The following INTS9 variants were observed in gnomAD, a reference collection of about 807,000 sequenced individuals.
The protein encoded by INTS9 is integrator complex subunit 9.
Under a neutral mutation model 79.7 loss-of-function variants are expected in INTS9, and 55 were observed. That is an observed-to-expected ratio of 0.69 (90% CI 0.56 to 0.86). The LOEUF (loss-of-function observed/expected upper bound fraction) is 0.86, where lower values mean the gene tolerates loss of function less well. Among genes scored for constraint, INTS9 ranks in the 40% least tolerant of loss-of-function variants. The pLI is 0.00. For synonymous variants in INTS9, 319 were observed against 325.2 expected (o/e 0.98, Z 0.20); for missense variants, 721 against 831.5 (o/e 0.87, Z 1.64).
At chr8:28,846,091 G>A (rs934850986) in intron 4 of INTS9, among the ~76,000 whole-genome samples, 1 of 152,184 alleles carries the variant, frequency 6.6e-6, no homozygotes, top group Non-Finnish European at 1.5e-5. Flanking sequence ...ATGAACCTGG[G>A]AGCAGCTCCG....
intron 6 of INTS9, 24 bp downstream of exon 6, chr8:28,835,268 G>A: frequency 1.3e-6 from 2 of 1,551,352 alleles, no homozygotes; most frequent in South Asian, 2.3e-5. Flanking sequence ...CAGTCTCTCG[G>A]TAAGAGAGTG....
At position 28,867,866 on chromosome 8, in the gene INTS9, A is replaced by C. The variant is rs375034179; in HGVS notation, c.10-8303T>G. On this transcript the variant is annotated intron_variant, in intron 1 of 16. Coordinates refer to ENST00000521022, the MANE Select transcript of INTS9 (RefSeq NM_018250.4). ...GTACTCTGTAAGAACTTTATATTTT[A>C]ACTCTTATAATCCTCCCAAGAATGC... Among the ~76,000 whole-genome samples, 5 of 152,140 alleles carry C rather than the reference A, an allele frequency of 3.3e-5. No homozygotes were observed. The East Asian group carries it at 5.8e-4, about 18-fold the overall frequency.
intron 1 of INTS9, among the ~76,000 whole-genome samples, chr8:28,864,241 G>T (rs1464762218): frequency 6.6e-6 from 1 of 152,224 alleles, no homozygotes; most frequent in Admixed American, 6.5e-5. Context: ...GACAATTGGA[G>T]TAGTATCTTT....
chr8:28,815,555 T>G (rs758308826), intron 6 of INTS9, among the ~76,000 whole-genome samples: 1 of 152,160 alleles, frequency 6.6e-6, no homozygotes, highest in Non-Finnish European at 1.5e-5. Flanking sequence ...GATTTTGGAT[T>G]TGGGATGCTC....
At chr8:28,791,301 T>TC (rs1445144340) in intron 10 of INTS9, among the ~76,000 whole-genome samples, 2 of 151,240 alleles carry the variant, frequency 1.3e-5, no homozygotes, top group Non-Finnish European at 2.9e-5. Context: ...CTCCAATGAA[T>TC]CCCCCCCATG....
intron 4 of INTS9, among the ~76,000 whole-genome samples, chr8:28,838,300 G>A (rs78958903): frequency 6.6e-6 from 1 of 151,478 alleles, no homozygotes; most frequent in Non-Finnish European, 1.5e-5. Context: ...TATAGAGCCC[G>A]CCCTAAAAAG....
rs775059997 is a variant in INTS9, at chr8:28,780,931, T to C, written c.1162A>G (p.Arg388Gly). The change falls in exon 12 of 17, where the codon AGA (arginine) becomes GGA (glycine). Residue 388 changes from arginine to glycine, a missense_variant. By Grantham distance (125) the Arg-to-Gly change is moderately radical. Around this residue, in one of 3 missense-constraint regions of INTS9, gnomAD observed 149 missense variants for 223.7 expected, o/e 0.67. Transcript: ENST00000521022. ...SIHGDFSNDF[R>G]QPCVVFTGHP... ...CCGGTGAACACCACACAGGGCTGTC[T>C]AAAGTCGTTGCTGAAGTCTCCGTGG... The C allele has an allele frequency of 1.9e-6, 3 of 1,614,160 alleles. No homozygotes were observed. Among genetic ancestry groups the C allele is most frequent in the Non-Finnish European group, 2.5e-6 (3 of 1,180,010 alleles).
At chr8:28,875,360 T>G (rs1236510222) in intron 1 of INTS9, among the ~76,000 whole-genome samples, 1 of 152,238 alleles carries the variant, frequency 6.6e-6, no homozygotes, top group Non-Finnish European at 1.5e-5. Flanking sequence ...TATTTTTACT[T>G]TAACTGTTCC....
intron 4 of INTS9, among the ~76,000 whole-genome samples, chr8:28,844,203 G>A (rs902324276): frequency 2.0e-5 from 3 of 152,170 alleles, no homozygotes; most frequent in Non-Finnish European, 2.9e-5. Flanking sequence ...AGTGCAAATC[G>A]TTGTCACGTA....
intron 1 of INTS9, among the ~76,000 whole-genome samples, chr8:28,878,641 T>C (rs866081629): frequency 7.3e-6 from 1 of 136,642 alleles, no homozygotes; most frequent in Non-Finnish European, 1.6e-5. Context: ...TTTTTTTTTT[T>C]AAAAAAAAAA....
In INTS9 at chr8:28,835,377, G is replaced by A; in HGVS notation, c.403C>T (p.Leu135Phe). 6.2e-7 allele frequency: 1 copy of A among 1,612,228 alleles called. No individual in the cohort carries two copies. Among genetic ancestry groups the A allele is most frequent in the Non-Finnish European group, 8.5e-7 (1 of 1,178,652 alleles). The change falls in exon 6 of 17, where the codon CTT (leucine) becomes TTT (phenylalanine). Residue 135 changes from leucine (L) to phenylalanine (F), a missense_variant and splice_region_variant. By Grantham distance (22) the Leu-to-Phe change is conservative. Transcript: ENST00000521022. ...AAATTCACCAGCTCTTCCATGAGAAGCCTGAGTTTAAACAAAACAAGTGAG... is the reference window on the plus strand; with the variant it reads ...AAATTCACCAGCTCTTCCATGAGAAACCTGAGTTTAAACAAAACAAGTGAG... ...ATEPTVQIGR[L>F]LMEELVNFIE...
intron 4 of INTS9, among the ~76,000 whole-genome samples, chr8:28,839,375 T>C (rs920785411): frequency 1.3e-5 from 2 of 151,754 alleles, no homozygotes; most frequent in African/African-American, 2.4e-5. Flanking sequence ...CCAAGGTAAT[T>C]TATAGATTCA....
At chr8:28,837,293 A>G (rs1806859803) in intron 5 of INTS9, among the ~76,000 whole-genome samples, 1 of 151,502 alleles carries the variant, frequency 6.6e-6, no homozygotes, top group Non-Finnish European at 1.5e-5. Flanking sequence ...CTTCTTAAAG[A>G]TGCTACACTC....
chr8:28,878,707 G>C lies in INTS9; in HGVS notation c.9+11167C>G, dbSNP rs889524330. On this transcript the variant is annotated intron_variant, in intron 1 of 16. Coordinates refer to ENST00000521022, the MANE Select transcript of INTS9 (RefSeq NM_018250.4). ...AAAAAAAAATGTTGGGCCAGGCGCGGTGGCTCACGCCTATAATCCCAGCAC... is the reference window on the plus strand; with the variant it reads ...AAAAAAAAATGTTGGGCCAGGCGCGCTGGCTCACGCCTATAATCCCAGCAC... 1.3e-5 allele frequency among the ~76,000 whole-genome samples: 2 copies of C among 151,612 alleles called. 1 individual carries two copies. Among genetic ancestry groups the C allele is most frequent in the South Asian group, 4.2e-4 (2 of 4,798 alleles).
Position 28,837,650 on chromosome 8 carries a change from C to T in INTS9, c.388G>A (p.Val130Ile), listed in dbSNP as rs187356415. ...TGTVYATEPT[V>I]QIGRLLMEEL... ...CAACCCTCTCACCTGCCGATCTGGA[C>T]GGTGGGTTCCGTGGCATACACTGTG... Residue 130 changes from valine (V) to isoleucine (I), a missense_variant, in exon 5 of 17, where the codon GTC becomes ATC. By Grantham distance (29) the Val-to-Ile change is conservative. This residue lies in a region of INTS9 where 291 missense variants were observed against 307.0 expected (regional missense o/e 0.95). Transcript: ENST00000521022. 3.9e-5 allele frequency: 63 copies of T among 1,613,078 alleles called. No homozygotes were observed. The highest frequency in any genetic ancestry group is 1.9e-4 in the Middle Eastern group (1 of 5,360).
chr8:28,793,776 T>G, intron 10 of INTS9, 31 bp downstream of exon 10: 2 of 1,322,876 alleles, frequency 1.5e-6, no homozygotes, highest in Non-Finnish European at 1.0e-6. Context: ...CAAATAAAAT[T>G]CACAAAAAAA....
chr8:28,834,623 C>T (rs1012362206), intron 6 of INTS9, among the ~76,000 whole-genome samples: 2 of 152,016 alleles, frequency 1.3e-5, no homozygotes, highest in African/African-American at 4.8e-5. Context: ...CTCAGCCTTC[C>T]TAAGCAGAGT....
chr8:28,871,183 G>GTCTCT (rs1809072839), intron 1 of INTS9, among the ~76,000 whole-genome samples: 1 of 152,170 alleles, frequency 6.6e-6, no homozygotes, highest in South Asian at 2.1e-4. Flanking sequence ...CCATTTGGTA[G>GTCTCT]AGACTTTGGG....
intron 5 of INTS9, among the ~76,000 whole-genome samples, chr8:28,836,735 A>G (rs1806825852): frequency 6.6e-6 from 1 of 152,194 alleles, no homozygotes. Context: ...AATTGAAACC[A>G]GTGCATCACT....
Sources: gnomAD v4.1 joint callset for allele counts (sites outside exome capture counted in the v4.1 genomes callset) on GRCh38, gnomAD v4.1.1 for gene constraint, gnomAD v4.1.1 regional missense constraint, MANE v1.5 for transcripts, NCBI Gene and HGNC (gene_info 2026-07-23, HGNC 2026-07-21) for gene names.